The following ZNF134 variants were observed in gnomAD, a reference collection of about 807,000 sequenced individuals.
The protein encoded by ZNF134 is zinc finger protein 134 (clone pHZ-15).
Under a neutral mutation model 2.5 loss-of-function variants are expected in ZNF134, and 5 were observed. The ratio of observed to expected loss-of-function variants is 2.03; its 90% CI spans 1.06 to 4.27. The LOEUF (loss-of-function observed/expected upper bound fraction) is 4.27, where lower values mean the gene tolerates loss of function less well. Ranked by LOEUF, ZNF134 falls within the 30% of genes most tolerant of loss-of-function variation. The pLI is 0.00. For synonymous variants in ZNF134, 176 were observed against 176.2 expected, an observed-to-expected ratio of 1.00 and a Z score of 0.01; for missense variants, 540 against 517.5, an observed-to-expected ratio of 1.04 and a Z score of -0.42.
At chr19:57,616,202 C>T (rs1174512276) in intron 1 of ZNF134, among the ~76,000 whole-genome samples, 2 of 152,160 alleles carry the variant, frequency 1.3e-5, no homozygotes, top group African/African-American at 4.8e-5. Context: ...ACTGCAGCTC[C>T]CCTTCAGAGG....
rs369599221 is a variant in ZNF134, at chr19:57,621,183, G to A, written c.1064G>A (p.Arg355Gln). 16 of 1,614,036 alleles carry A rather than the reference G, an allele frequency of 9.9e-6. No homozygotes were observed. Among genetic ancestry groups the A allele is most frequent in the African/African-American group, 5.3e-5 (4 of 74,910 alleles). ...ATTGAATGCGGGAAATTCTTTAGTC[G>A]AAGTTCTGACTATATTGCACACCAG... Reference protein sequence around the residue: ...ECIECGKFFSRSSDYIAHQRV... With the variant: ...ECIECGKFFSQSSDYIAHQRV... The change falls in exon 3 of 3, where the codon CGA becomes CAA. Residue 355 changes from arginine to glutamine, a missense_variant. Physicochemically the swap from Arg to Gln is conservative, Grantham distance 43. Transcript: ENST00000396161.
In ZNF134 at chr19:57,620,857, C is replaced by T. The variant is rs1981192312; in HGVS notation, c.738C>T (p.Asn246=). 3 of 1,614,126 alleles carry T rather than the reference C, an allele frequency of 1.9e-6. No individual in the cohort carries two copies. Among genetic ancestry groups the T allele is most frequent in the Admixed American group, 1.7e-5 (1 of 60,028 alleles). ...GAAAAACCTTCAGTCGAAAAGACAACCTTACTCAGCACAAGAGAATCCACA... is the reference window on the plus strand; with the variant it reads ...GAAAAACCTTCAGTCGAAAAGACAATCTTACTCAGCACAAGAGAATCCACA... The part of the protein sequence containing the change: ...ECGKTFSRKD[N]LTQHKRIHTG... Residue 246 remains asparagine, a synonymous_variant, in exon 3 of 3, where the codon AAC becomes AAT. Coordinates refer to ENST00000396161, the MANE Select transcript of ZNF134 (RefSeq NM_003435.5).
At chr19:57,620,016 A>C (rs891914672) in intron 2 of ZNF134, 144 bp from the exon 3 acceptor site, 15 of 878,510 alleles carry the variant, frequency 1.7e-5, no homozygotes, top group Admixed American at 2.8e-5. Flanking sequence ...ACTGTACAGC[A>C]GCCCTTTTTT....
In ZNF134 at chr19:57,619,437, CAA is replaced by C. The variant is rs750652376; in HGVS notation, c.-31_-30del. Reference sequence around the variant, plus strand: ...ATCCTCTGTGGTTGTTGAATTGTAACAAGAGAGAGAACTCTGGCTGCCTGAGA... The same window carrying C: ...ATCCTCTGTGGTTGTTGAATTGTAACGAGAGAGAACTCTGGCTGCCTGAGA... On this transcript the variant is annotated 5_prime_UTR_variant, in exon 2 of 3. Coordinates refer to ENST00000396161, the MANE Select transcript of ZNF134 (RefSeq NM_003435.5). 4.6e-5 allele frequency: 73 copies of C among 1,593,384 alleles called. No individual in the cohort carries two copies. Among genetic ancestry groups the C allele is most frequent in the African/African-American group, 8.0e-5 (6 of 74,622 alleles).
Position 57,620,844 on chromosome 19 carries a change from G to T in ZNF134, c.725G>T (p.Ser242Ile). The change falls in exon 3 of 3, where the codon AGT becomes ATT. Residue 242 changes from serine to isoleucine, a missense_variant. Ser to Ile is a moderately radical substitution (Grantham distance 142). Transcript: ENST00000396161. The part of the protein sequence containing the change: ...YECSECGKTF[S>I]RKDNLTQHKR... ...TGCAGCGAATGTGGAAAAACCTTCA[G>T]TCGAAAAGACAACCTTACTCAGCAC... 6.2e-7 allele frequency: 1 copy of T among 1,614,202 alleles called. No individual in the cohort carries two copies. Among genetic ancestry groups the T allele is most frequent in the Non-Finnish European group, 8.5e-7 (1 of 1,180,032 alleles).
Position 57,623,949 on chromosome 19 carries a change from G to C in ZNF134, c.*2546G>C, listed in dbSNP as rs1981305176. 2 of 152,206 alleles carry C rather than the reference G, an allele frequency of 1.3e-5. No homozygotes were observed. The highest frequency in any genetic ancestry group is 2.4e-5 in the African/African-American group (1 of 41,466). The allele number at this position is 152,206 out of a possible 1,614,324, so 9.4% of individuals were successfully genotyped here. On this transcript the variant is annotated 3_prime_UTR_variant, in exon 3 of 3. Transcript: ENST00000396161. ...GGGACCTTGAAAGTATGAAGTTAAA[G>C]GGTGTAGGCATGTAAAGTGTGAAGT...
At position 57,614,267 on chromosome 19, in the gene ZNF134, G is replaced by A. The variant is rs1009367106; in HGVS notation, c.-294G>A. ...GCGGTGGACATCTTGTCGGCTCTTA[G>A]GTGGAACCATCGGAGCAGAAGCTCG... is the stretch of plus-strand genomic sequence containing the variant. On this transcript the variant is annotated 5_prime_UTR_variant, in exon 1 of 3. Transcript: ENST00000396161. The A allele has an allele frequency of 1.6e-5, 7 of 445,430 alleles. No individual in the cohort carries two copies. Among genetic ancestry groups the A allele is most frequent in the Non-Finnish European group, 3.2e-5 (7 of 221,876 alleles). The allele number at this position is 445,430 out of a possible 1,614,324, so 27.6% of individuals were successfully genotyped here.
In ZNF134 at chr19:57,622,050, A is replaced by G. The variant is rs753615009; in HGVS notation, c.*647A>G. 15 of 164,192 alleles carry G rather than the reference A, an allele frequency of 9.1e-5. No homozygotes were observed. The highest frequency in any genetic ancestry group is 1.8e-4 in the Non-Finnish European group (13 of 73,964). The allele number at this position is 164,192 out of a possible 1,614,324, so 10.2% of individuals were successfully genotyped here. ...ATGGGACAGTGGGTTGAGGGAGAAC[A>G]GTTCTTAGTCCAGTTTTGATGTTAA... On this transcript the variant is annotated 3_prime_UTR_variant, in exon 3 of 3. Transcript: ENST00000396161.
chr19:57,614,253 C>G lies in ZNF134; in HGVS notation c.-308C>G, dbSNP rs1353804542. ...CCGGTATCTTCCTCGCGGTGGACAT[C>G]TTGTCGGCTCTTAGGTGGAACCATC... On this transcript the variant is annotated 5_prime_UTR_variant, in exon 1 of 3. In the 5' UTR this introduces an upstream ATG that the reference lacks. Transcript: ENST00000396161. 2.4e-6 allele frequency: 1 copy of G among 425,378 alleles called. No homozygotes were observed. Among genetic ancestry groups the G allele is most frequent in the Non-Finnish European group, 4.8e-6 (1 of 209,282 alleles). The allele number at this position is 425,378 out of a possible 1,614,324, so 26.4% of individuals were successfully genotyped here. A position where few individuals can be genotyped will look rare whatever the true frequency, so the allele number is the denominator to read the frequency against.
intron 1 of ZNF134, 77 bp from the exon 2 acceptor site, chr19:57,619,335 C>T: frequency 8.6e-7 from 1 of 1,157,704 alleles, no homozygotes; most frequent in Non-Finnish European, 1.3e-6. Flanking sequence ...TGTTTTCTTG[C>T]AATTTTGCAT....
chr19:57,623,657 A>T lies in ZNF134; in HGVS notation c.*2254A>T, dbSNP rs1450991839. On this transcript the variant is annotated 3_prime_UTR_variant, in exon 3 of 3. Transcript: ENST00000396161. ...GCCAAGGATGTTTGCTGATACCGGG[A>T]TCAAAACATACATCAGAACACTGTC... 6.6e-6 allele frequency: 1 copy of T among 152,180 alleles called. No homozygotes were observed. The highest frequency in any genetic ancestry group is 2.4e-5 in the African/African-American group (1 of 41,428). The allele number at this position is 152,180 out of a possible 1,614,324, so 9.4% of individuals were successfully genotyped here. A position where few individuals can be genotyped will look rare whatever the true frequency, so the allele number is the denominator to read the frequency against.
In ZNF134 at chr19:57,614,502, A is replaced by G. The variant is rs984961077; in HGVS notation, c.-59A>G. 1.6e-5 allele frequency: 6 copies of G among 376,488 alleles called. No homozygotes were observed. The highest frequency in any genetic ancestry group is 1.1e-4 in the South Asian group (6 of 52,400). The allele number at this position is 376,488 out of a possible 1,614,324, so 23.3% of individuals were successfully genotyped here. On this transcript the variant is annotated splice_region_variant and 5_prime_UTR_variant, in exon 1 of 3. Transcript: ENST00000396161. ...GCGGCCGCGGTGATGGGCCCGGCGCAGGTGGGTGCTGCCTTTCCCAGACTT... is the reference window on the plus strand; with the variant it reads ...GCGGCCGCGGTGATGGGCCCGGCGCGGGTGGGTGCTGCCTTTCCCAGACTT...
rs1981236598 is a variant in ZNF134, at chr19:57,621,957, G to C, written c.*554G>C. ...CTTGGGGCTTCTTCTTATGGTCTGGGGTGGATTGAAAACAGGCTCTGCCAA... is the reference window on the plus strand; with the variant it reads ...CTTGGGGCTTCTTCTTATGGTCTGGCGTGGATTGAAAACAGGCTCTGCCAA... On this transcript the variant is annotated 3_prime_UTR_variant, in exon 3 of 3. Transcript: ENST00000396161. 1 of 190,554 alleles carries C rather than the reference G, an allele frequency of 5.2e-6. No homozygotes were observed. The highest frequency in any genetic ancestry group is 2.3e-5 in the African/African-American group (1 of 42,704). 11.8% of individuals were successfully genotyped at this position (190,554 alleles called of 1,614,324 possible). A position where few individuals can be genotyped will look rare whatever the true frequency, so the allele number is the denominator to read the frequency against.
intron 1 of ZNF134, among the ~76,000 whole-genome samples, chr19:57,617,751 A>G (rs1027556241): frequency 1.2e-4 from 19 of 152,192 alleles, no homozygotes; most frequent in African/African-American, 4.6e-4. Context: ...TGCCATCAGC[A>G]CACTGTAAGG....
Position 57,624,202 on chromosome 19 carries a change from T to G in ZNF134, c.*2799T>G, listed in dbSNP as rs1293550862. The G allele has an allele frequency of 1.3e-5, 2 of 152,198 alleles. No individual in the cohort carries two copies. Among genetic ancestry groups the G allele is most frequent in the Admixed American group, 1.3e-4 (2 of 15,264 alleles). The allele number at this position is 152,198 out of a possible 1,614,324, so 9.4% of individuals were successfully genotyped here. A position where few individuals can be genotyped will look rare whatever the true frequency, so the allele number is the denominator to read the frequency against. On this transcript the variant is annotated 3_prime_UTR_variant, in exon 3 of 3. Coordinates refer to ENST00000396161, the MANE Select transcript of ZNF134 (RefSeq NM_003435.5). ...TTTTTTTTGTTTTCCCCCCTTCCATTTCCTCCCCTTTTGAAACAATGCATA... is the reference window on the plus strand; with the variant it reads ...TTTTTTTTGTTTTCCCCCCTTCCATGTCCTCCCCTTTTGAAACAATGCATA...
intron 1 of ZNF134, among the ~76,000 whole-genome samples, chr19:57,616,836 C>G (rs1432514679): frequency 6.6e-6 from 1 of 152,102 alleles, no homozygotes; most frequent in Non-Finnish European, 1.5e-5. Flanking sequence ...CCAACACACC[C>G]CCATTATCTC....
chr19:57,614,910 C>T (rs1981008751), intron 1 of ZNF134, among the ~76,000 whole-genome samples: 1 of 151,964 alleles, frequency 6.6e-6, no homozygotes, highest in Non-Finnish European at 1.5e-5. Flanking sequence ...TGAGGAGGTC[C>T]CTGCAACAAA....
At position 57,620,856 on chromosome 19, in the gene ZNF134, A is replaced by G. The variant is rs530039420; in HGVS notation, c.737A>G (p.Asn246Ser). 3.2e-5 allele frequency: 51 copies of G among 1,614,224 alleles called. No homozygotes were observed. In the South Asian group the frequency reaches 4.4e-4, roughly 14 times the overall value. The part of the protein sequence containing the change: ...ECGKTFSRKD[N>S]LTQHKRIHTG... The stretch of plus-strand genomic sequence containing the variant: ...GGAAAAACCTTCAGTCGAAAAGACA[A>G]CCTTACTCAGCACAAGAGAATCCAC... Residue 246 changes from asparagine (N) to serine (S), a missense_variant, in exon 3 of 3, where the codon AAC becomes AGC. By Grantham distance (46) the Asn-to-Ser change is conservative (BLOSUM62 1). Coordinates refer to ENST00000396161, the MANE Select transcript of ZNF134 (RefSeq NM_003435.5).
rs1214653021 is a variant in ZNF134 at position 57,621,737 on chromosome 19, T to G, written c.*334T>G. 1 of 414,692 alleles carries G rather than the reference T, an allele frequency of 2.4e-6. No homozygotes were observed. Among genetic ancestry groups the G allele is most frequent in the Non-Finnish European group, 4.6e-6 (1 of 219,168 alleles). The allele number at this position is 414,692 out of a possible 1,614,324, so 25.7% of individuals were successfully genotyped here. A position where few individuals can be genotyped will look rare whatever the true frequency, so the allele number is the denominator to read the frequency against. On this transcript the variant is annotated 3_prime_UTR_variant, in exon 3 of 3. Coordinates refer to ENST00000396161, the MANE Select transcript of ZNF134 (RefSeq NM_003435.5). ...AGGTATAGGTATGGATATGACCCAT[T>G]TTTAGCCAAGAGGGTCTGAGCTGTA...
Sources: allele counts gnomAD v4.1 joint callset (sites outside exome capture counted in the v4.1 genomes callset), GRCh38; gene constraint gnomAD v4.1.1; transcripts MANE v1.5; gene names NCBI Gene and HGNC (gene_info 2026-07-23, HGNC 2026-07-21).